The following HSD17B14 variants were observed in gnomAD, a reference collection of about 807,000 sequenced individuals.
HSD17B14 encodes L-fucose dehydrogenase.
HSD17B14 carries 32 observed loss-of-function variants against 32.2 expected under a neutral mutation model. The ratio of observed to expected loss-of-function variants is 0.99; its 90% CI spans 0.75 to 1.33. The LOEUF is 1.33. HSD17B14 is among the 40% of genes most tolerant of loss of function. HSD17B14 has a pLI of 0.00. For missense variants in HSD17B14, 370 were observed against 366.5 expected, an observed-to-expected ratio of 1.01 and a Z score of -0.08; for synonymous variants, 140 against 155.4, an observed-to-expected ratio of 0.90 and a Z score of 0.74.
Position 48,813,200 on chromosome 19 carries a change from A to C in HSD17B14, c.788T>G (p.Val263Gly), listed in dbSNP as rs1247270095. ...YGCKASRSTP[V>G]DAPDIPS ...TCAGGAAGGGATATCGGGGGCGTCC[A>C]CGGGGGTGCTCCGACTGGCCTTGCA... The change falls in exon 9 of 9, where the codon GTG (valine) becomes GGG (glycine). Residue 263 changes from valine to glycine, a missense_variant. Coordinates refer to ENST00000263278, the MANE Select transcript of HSD17B14 (RefSeq NM_016246.3). The C allele has an allele frequency of 6.2e-7, 1 of 1,605,114 alleles. No individual in the cohort carries two copies. Among genetic ancestry groups the C allele is most frequent in the Non-Finnish European group, 8.5e-7 (1 of 1,175,492 alleles).
chr19:48,815,075 T>A lies in HSD17B14; in HGVS notation c.436A>T (p.Ile146Phe). The change falls in exon 6 of 9, where the codon ATC becomes TTC. Residue 146 changes from isoleucine to phenylalanine, a missense_variant. By Grantham distance (21) the Ile-to-Phe change is conservative. Transcript: ENST00000263278. ...VINISSLVGA[I>F]GQAQAVPYVA... ...TAGGGAACTGCCTGGGCCTGGCCGA[T>A]TGCCCCCACCAGGCTGGAGATGTTG... is the stretch of plus-strand genomic sequence containing the variant. 6.2e-7 allele frequency: 1 copy of A among 1,613,930 alleles called. No homozygotes were observed. The highest frequency in any genetic ancestry group is 8.5e-7 in the Non-Finnish European group (1 of 1,179,940).
intron 2 of HSD17B14, among the ~76,000 whole-genome samples, chr19:48,834,702 G>T (rs2035439004): frequency 1.1e-5 from 1 of 94,960 alleles, no homozygotes; most frequent in Non-Finnish European, 1.9e-5. Context: ...TCTGAGGGAG[G>T]AAGGGCTGGG....
intron 3 of HSD17B14, among the ~76,000 whole-genome samples, chr19:48,833,503 C>G (rs2035384079): frequency 6.6e-6 from 1 of 151,784 alleles, no homozygotes. Flanking sequence ...ACCAGCCTGG[C>G]CAACATGGTG....
At chr19:48,816,418 C>A (rs141465493) in intron 5 of HSD17B14, among the ~76,000 whole-genome samples, 3 of 152,286 alleles carry the variant, frequency 2.0e-5, no homozygotes, top group Admixed American at 6.5e-5. Flanking sequence ...AACCTCAGGG[C>A]CTTTGAACTT....
At chr19:48,824,690 C>T (rs1198744255) in intron 5 of HSD17B14, among the ~76,000 whole-genome samples, 5 of 150,702 alleles carry the variant, frequency 3.3e-5, no homozygotes, top group South Asian at 2.1e-4. Flanking sequence ...AGCTTGAACC[C>T]GGGAGGCAGA....
At chr19:48,834,957 G>A (rs559531930) in intron 2 of HSD17B14, among the ~76,000 whole-genome samples, 6 of 39,330 alleles carry the variant, frequency 1.5e-4, no homozygotes, top group African/African-American at 8.0e-4. Flanking sequence ...GGGTCTGAGG[G>A]AGGAGGGGCT....
chr19:48,827,877 C>T (rs1268158891), intron 5 of HSD17B14, among the ~76,000 whole-genome samples: 11 of 117,088 alleles, frequency 9.4e-5, no homozygotes, highest in Admixed American at 3.7e-4. Context: ...TTTTTTGAGA[C>T]GGAGTCTCGC....
chr19:48,814,285 C>T (rs942575326), intron 6 of HSD17B14, among the ~76,000 whole-genome samples: 4 of 151,566 alleles, frequency 2.6e-5, no homozygotes, highest in African/African-American at 7.3e-5. Flanking sequence ...TTTGGGAGGC[C>T]GAGGTGGGTG....
At chr19:48,833,876 G>T (rs1242750033) in intron 3 of HSD17B14, among the ~76,000 whole-genome samples, 1 of 151,602 alleles carries the variant, frequency 6.6e-6, no homozygotes, top group Admixed American at 6.6e-5. Flanking sequence ...TGTAATCCCA[G>T]CTACTCGGGA....
intron 6 of HSD17B14, among the ~76,000 whole-genome samples, chr19:48,814,090 G>A (rs2122730505): frequency 6.6e-6 from 1 of 152,252 alleles, no homozygotes; most frequent in African/African-American, 2.4e-5. Context: ...AGCTACTGGG[G>A]AGGCTGAGGC....
intron 5 of HSD17B14, among the ~76,000 whole-genome samples, chr19:48,818,947 A>G (rs2035101354): frequency 6.6e-6 from 1 of 152,188 alleles, no homozygotes; most frequent in South Asian, 2.1e-4. Flanking sequence ...GAGGCCTTGA[A>G]GGCCCCCACT....
At chr19:48,819,434 A>G (rs1599829160) in intron 5 of HSD17B14, among the ~76,000 whole-genome samples, 1 of 152,280 alleles carries the variant, frequency 6.6e-6, no homozygotes, top group East Asian at 1.9e-4. Context: ...TACCTGCCAC[A>G]GCTCCCTATT....
chr19:48,827,779 C>T (rs1263060070), intron 5 of HSD17B14, among the ~76,000 whole-genome samples: 2 of 151,544 alleles, frequency 1.3e-5, no homozygotes, highest in African/African-American at 2.4e-5. Context: ...GATGAGTGAT[C>T]CACCCGCCTT....
At chr19:48,835,617 GGCA>G in intron 2 of HSD17B14, among the ~76,000 whole-genome samples, 185 bp downstream of exon 2, 1 of 142,560 alleles carries the variant, frequency 7.0e-6, no homozygotes, top group East Asian at 2.0e-4. Context: ...TGGGTCTGAG[GGCA>G]GAGGGGCTGG....
chr19:48,835,878 C>A (rs368305202), intron 1 of HSD17B14, 35 bp from the exon 2 acceptor site: 3 of 1,609,878 alleles, frequency 1.9e-6, no homozygotes, highest in African/African-American at 2.7e-5. Context: ...ACTCTCCGAG[C>A]CTTGGTTAAA....
At position 48,815,069 on chromosome 19, in the gene HSD17B14, G is replaced by A; in HGVS notation, c.442C>T (p.Gln148Ter). The A allele has an allele frequency of 6.2e-7, 1 of 1,613,920 alleles. No homozygotes were observed. Among genetic ancestry groups the A allele is most frequent in the Middle Eastern group, 1.6e-4 (1 of 6,062 alleles). Reference protein sequence around the residue: ...NISSLVGAIGQAQAVPYVATK... With the variant: ...NISSLVGAIG Reference sequence around the variant, plus strand: ...GCCACATAGGGAACTGCCTGGGCCTGGCCGATTGCCCCCACCAGGCTGGAG... The same window carrying A: ...GCCACATAGGGAACTGCCTGGGCCTAGCCGATTGCCCCCACCAGGCTGGAG... Residue 148 changes from glutamine to a stop codon, truncating the protein, a stop_gained, in exon 6 of 9, where the codon CAG becomes TAG. Transcript: ENST00000263278. LOFTEE classifies it high-confidence loss of function.
intron 5 of HSD17B14, among the ~76,000 whole-genome samples, chr19:48,824,446 A>AAGGG (rs145997541): frequency 6.7e-6 from 1 of 149,114 alleles, no homozygotes; most frequent in African/African-American, 2.5e-5. Context: ...GGAAAGAAAA[A>AAGGG]AGGGAGGGAG....
Position 48,834,312 on chromosome 19 carries a change from A to G in HSD17B14, c.174T>C (p.Phe58=). 6.2e-7 allele frequency: 1 copy of G among 1,614,096 alleles called. No individual in the cohort carries two copies. ...CTTCCTGAGTCACATCACAGAGGAT[A>G]AAGACAGCTCCAGGGAGCTCCTGCT... ...ALEQELPGAV[F]ILCDVTQEDD... is the part of the protein sequence containing the mutation. The change falls in exon 3 of 9, where the codon TTT becomes TTC. Residue 58 remains phenylalanine (F), a synonymous_variant. Coordinates refer to ENST00000263278, the MANE Select transcript of HSD17B14 (RefSeq NM_016246.3).
At chr19:48,822,394 G>A (rs1047295027) in intron 5 of HSD17B14, among the ~76,000 whole-genome samples, 1 of 151,408 alleles carries the variant, frequency 6.6e-6, no homozygotes, top group African/African-American at 2.4e-5. Context: ...TGGTGATGGT[G>A]ATGATTGTGG....
Sources: allele counts gnomAD v4.1 joint callset (sites outside exome capture counted in the v4.1 genomes callset), GRCh38; gene constraint gnomAD v4.1.1; transcripts MANE v1.5; gene names NCBI Gene and HGNC (gene_info 2026-07-23, HGNC 2026-07-21).